TAF9B: variants seen among roughly 807,000 people sequenced by gnomAD.
The protein encoded by TAF9B is transcription initiation factor TFIID subunit 9B.
In TAF9B, 47 loss-of-function variants were observed where a neutral mutation model predicts 17.6. The observed-to-expected ratio is 2.68, with a 90% CI of 2.12 to 3.41. The LOEUF is 3.41. Among genes scored for constraint, TAF9B ranks in the 30% most tolerant of loss-of-function variants. The pLI is 0.00. For synonymous variants in TAF9B, 84 were observed against 68.7 expected (o/e 1.22, Z -1.10); for missense variants, 218 against 189.3 (o/e 1.15, Z -0.89).
intron 5 of TAF9B, among the ~76,000 whole-genome samples, chrX:78,135,663 A>C (rs1166372182): frequency 8.9e-6 from 1 of 111,833 alleles, no homozygotes; most frequent in Non-Finnish European, 1.9e-5. Context: ...GTTTTTTGGT[A>C]GTGCCCTGAC....
Position 78,131,617 on chromosome X carries a change from A to G in TAF9B, c.749T>C (p.Ile250Thr). The change falls in exon 7 of 7, where the codon ATT becomes ACT. Residue 250 changes from isoleucine (I) to threonine (T), a missense_variant. Physicochemically the swap from Ile to Thr is moderately conservative, Grantham distance 89. Transcript: ENST00000341864. Reference sequence around the variant, plus strand: ...TAGACTAGACTATATTCCTTACATAATATCATTGTCATCATCATCTTCATG... The same window carrying G: ...TAGACTAGACTATATTCCTTACATAGTATCATTGTCATCATCATCTTCATG... Reference protein sequence around the residue: ...RKHEDDDDNDIM With the variant: ...RKHEDDDDNDTM The G allele has an allele frequency of 4.1e-6, 5 of 1,209,624 alleles. No homozygotes were observed. The highest frequency in any genetic ancestry group is 2.2e-6 in the Non-Finnish European group (2 of 893,953).
Position 78,133,389 on chromosome X carries a change from G to A in TAF9B, c.541C>T (p.Gln181Ter). Residue 181 changes from glutamine (Q) to a stop codon, truncating the protein, a stop_gained, in exon 6 of 7, where the codon CAA becomes TAA. Coordinates refer to ENST00000341864, the MANE Select transcript of TAF9B (RefSeq NM_015975.5). LOFTEE classifies it high-confidence loss of function. Reference protein sequence around the residue: ...KVATPMSVTSQRFTVQIPPSQ... With the variant: ...KVATPMSVTS ...GGTGGAATCTGCACCGTAAATCTTT[G>A]GCTTGTCACTGACATTGGAGTTGCA... The A allele has an allele frequency of 1.7e-6, 2 of 1,211,507 alleles. No individual in the cohort carries two copies. Among genetic ancestry groups the A allele is most frequent in the Non-Finnish European group, 2.2e-6 (2 of 895,219 alleles).
Position 78,130,537 on chromosome X carries a change from C to T in TAF9B, c.*1073G>A, listed in dbSNP as rs2078405068. ...TTGATCCTGTCTTATATGTGACATC[C>T]TCAGCAACAAGCTAAAATGATCTGA... On this transcript the variant is annotated 3_prime_UTR_variant, in exon 7 of 7. Coordinates refer to ENST00000341864, the MANE Select transcript of TAF9B (RefSeq NM_015975.5). 8.9e-6 allele frequency: 1 copy of T among 112,374 alleles called. No homozygotes were observed. Among genetic ancestry groups the T allele is most frequent in the African/African-American group, 3.2e-5 (1 of 30,859 alleles). 9.3% of individuals were successfully genotyped at this position (112,374 alleles called of 1,213,427 possible). A position where few individuals can be genotyped will look rare whatever the true frequency, so the allele number is the denominator to read the frequency against.
chrX:78,137,810 A>T lies in TAF9B; in HGVS notation c.344T>A (p.Leu115Gln). 8.3e-7 allele frequency: 1 copy of T among 1,209,915 alleles called. No individual in the cohort carries two copies. Among genetic ancestry groups the T allele is most frequent in the Non-Finnish European group, 1.1e-6 (1 of 894,675 alleles). ...TGTTAAGCAGTATCTATCAGGTGGCAGTCTAGGTCCTGCATATGGCTTAAT... is the reference window on the plus strand; with the variant it reads ...TGTTAAGCAGTATCTATCAGGTGGCTGTCTAGGTCCTGCATATGGCTTAAT... The part of the protein sequence containing the change: ...PLIKPYAGPR[L>Q]PPDRYCLTAP... The change falls in exon 4 of 7, where the codon CTG becomes CAG. Residue 115 changes from leucine (L) to glutamine (Q), a missense_variant. Physicochemically the swap from Leu to Gln is moderately radical, Grantham distance 113. Coordinates refer to ENST00000341864, the MANE Select transcript of TAF9B (RefSeq NM_015975.5).
At position 78,131,535 on chromosome X, in the gene TAF9B, A is replaced by G; in HGVS notation, c.*75T>C. ...AGTCTTTTAAGGTAAAACAAGATCTAGAATATTCTAGTTCAGTATACTGGG... is the reference window on the plus strand; with the variant it reads ...AGTCTTTTAAGGTAAAACAAGATCTGGAATATTCTAGTTCAGTATACTGGG... On this transcript the variant is annotated 3_prime_UTR_variant, in exon 7 of 7. Coordinates refer to ENST00000341864, the MANE Select transcript of TAF9B (RefSeq NM_015975.5). 2 of 912,468 alleles carry G rather than the reference A, an allele frequency of 2.2e-6. No individual in the cohort carries two copies. The highest frequency in any genetic ancestry group is 6.4e-5 in the East Asian group (2 of 31,190). The allele number at this position is 912,468 out of a possible 1,213,427, so 75.2% of individuals were successfully genotyped here.
At chrX:78,134,691 T>A (rs2078427417) in intron 5 of TAF9B, among the ~76,000 whole-genome samples, 1 of 111,831 alleles carries the variant, frequency 8.9e-6, no homozygotes, top group African/African-American at 3.3e-5. Flanking sequence ...CTAAAATATC[T>A]CCATCCCTAG....
In TAF9B at chrX:78,131,689, A is replaced by G; in HGVS notation, c.677T>C (p.Val226Ala). The G allele has an allele frequency of 8.3e-7, 1 of 1,210,392 alleles. No individual in the cohort carries two copies. The highest frequency in any genetic ancestry group is 1.1e-6 in the Non-Finnish European group (1 of 894,473). ...PKNILITTNMVSSQNTANEAN... is the reference protein window; with the variant it reads ...PKNILITTNMASSQNTANEAN... The stretch of plus-strand genomic sequence containing the variant: ...TTCATTGGCTGTGTTCTGTGACGAA[A>G]CCATGTTGGTGGTAATAAGAATATT... Residue 226 changes from valine to alanine, a missense_variant, in exon 7 of 7, where the codon GTT becomes GCT. Transcript: ENST00000341864.
chrX:78,135,234 T>G (rs2078429615), intron 5 of TAF9B, among the ~76,000 whole-genome samples: 1 of 102,802 alleles, frequency 9.7e-6, no homozygotes, highest in South Asian at 4.8e-4. Context: ...ATTACAGGTG[T>G]GAGCCACCGC....
intron 6 of TAF9B, among the ~76,000 whole-genome samples, chrX:78,131,994 GTATT>G (rs782233603): frequency 3.0e-4 from 34 of 112,215 alleles, no homozygotes; most frequent in Non-Finnish European, 5.6e-4. Context: ...TAATAATTGT[GTATT>G]TATTTTTAAA....
At chrX:78,139,464 G>A in intron 1 of TAF9B, 97 bp downstream of exon 1, 1 of 1,133,525 alleles carries the variant, frequency 8.8e-7, no homozygotes, top group Non-Finnish European at 1.2e-6. Context: ...ACTGAAACGA[G>A]CGTGCGAGCC....
In TAF9B at chrX:78,138,042, G is replaced by A; in HGVS notation, c.190C>T (p.Pro64Ser). 2 of 1,208,848 alleles carry A rather than the reference G, an allele frequency of 1.7e-6. No individual in the cohort carries two copies. Among genetic ancestry groups the A allele is most frequent in the Non-Finnish European group, 2.2e-6 (2 of 894,407 alleles). ...CTCACATCATCTGCATCAACATTAG[G>A]TTTCTTAGCATGGCTCGAATAAATT... is the stretch of plus-strand genomic sequence containing the variant. ...AKIYSSHAKK[P>S]NVDADDVRLA... The change falls in exon 3 of 7, where the codon CCT (proline) becomes TCT (serine). Residue 64 changes from proline (P) to serine (S), a missense_variant. Transcript: ENST00000341864.
intron 2 of TAF9B, among the ~76,000 whole-genome samples, chrX:78,138,622 G>A (rs1458245020): frequency 8.9e-6 from 1 of 112,338 alleles, no homozygotes; most frequent in Non-Finnish European, 1.9e-5. Context: ...GCCGGGCGTG[G>A]TGGCAAGTGC....
intron 4 of TAF9B, 102 bp from the exon 5 acceptor site, chrX:78,137,092 C>A: frequency 1.7e-6 from 1 of 583,947 alleles, no homozygotes; most frequent in Non-Finnish European, 2.7e-6. Context: ...TAATCCATGG[C>A]AAGAAAGTCC....
At chrX:78,134,194 A>C (rs1426326500) in intron 5 of TAF9B, among the ~76,000 whole-genome samples, 1 of 111,362 alleles carries the variant, frequency 9.0e-6, no homozygotes, top group Non-Finnish European at 1.9e-5. Context: ...CCGTTTTATA[A>C]AACTTTCCTT....
rs2078448467 is a variant in TAF9B at position 78,139,608 on chromosome X, C to A, written c.4G>T (p.Glu2Ter). 14 of 1,210,438 alleles carry A rather than the reference C, an allele frequency of 1.2e-5. No individual in the cohort carries two copies. The highest frequency in any genetic ancestry group is 1.6e-5 in the Non-Finnish European group (14 of 895,082). ...TTGGGAGGCGCCATCTTGCCCGACT[C>A]CATGTTATCCAGCCACTCGTCATCC... M[E>*]SGKMAPPKNA... Residue 2 changes from glutamate to a stop codon, truncating the protein, a stop_gained, in exon 1 of 7, where the codon GAG becomes TAG. Transcript: ENST00000341864. LOFTEE classifies it high-confidence loss of function.
rs1444764981 is a variant in TAF9B at position 78,129,900 on chromosome X, T to A, written c.*1710A>T. ...AGGGTAGGTGTTACTTTCCTACTGC[T>A]AGTGAGGAGAACAAGGCTAAGAGGT... is the stretch of plus-strand genomic sequence containing the variant. On this transcript the variant is annotated 3_prime_UTR_variant, in exon 7 of 7. Coordinates refer to ENST00000341864, the MANE Select transcript of TAF9B (RefSeq NM_015975.5). 8.9e-6 allele frequency: 1 copy of A among 112,191 alleles called. No homozygotes were observed. Among genetic ancestry groups the A allele is most frequent in the Non-Finnish European group, 1.9e-5 (1 of 53,214 alleles). The allele number at this position is 112,191 out of a possible 1,213,427, so 9.2% of individuals were successfully genotyped here.
At position 78,139,282 on chromosome X, in the gene TAF9B, TAG is replaced by T. The variant is rs200276925; in HGVS notation, c.51+277_51+278del. 6.6e-3 allele frequency among the ~76,000 whole-genome samples: 735 copies of T among 110,875 alleles called. 8 individuals are homozygous for T. The highest frequency in any genetic ancestry group is 0.023 in the African/African-American group (712 of 30,442). On this transcript the variant is annotated intron_variant, in intron 1 of 6. Coordinates refer to ENST00000341864, the MANE Select transcript of TAF9B (RefSeq NM_015975.5). ...CGCGGAGTCAGGGCTGGCAGATAGC[TAG>T]AGACGAGGGGGAGGCAGGGGCCCGA...
chrX:78,130,637 T>G lies in TAF9B; in HGVS notation c.*973A>C, dbSNP rs2078405825. 1 of 112,710 alleles carries G rather than the reference T, an allele frequency of 8.9e-6. No homozygotes were observed. The highest frequency in any genetic ancestry group is 3.2e-5 in the African/African-American group (1 of 30,937). The allele number at this position is 112,710 out of a possible 1,213,427, so 9.3% of individuals were successfully genotyped here. A position where few individuals can be genotyped will look rare whatever the true frequency, so the allele number is the denominator to read the frequency against. Reference sequence around the variant, plus strand: ...ATGTGGTAAAAAGGAACACTTGTTCTTCAGTGGTTTTGCCTAGGTCCAGTG... The same window carrying G: ...ATGTGGTAAAAAGGAACACTTGTTCGTCAGTGGTTTTGCCTAGGTCCAGTG... On this transcript the variant is annotated 3_prime_UTR_variant, in exon 7 of 7. Coordinates refer to ENST00000341864, the MANE Select transcript of TAF9B (RefSeq NM_015975.5).
In TAF9B at chrX:78,131,315, A is replaced by C. The variant is rs1278440486; in HGVS notation, c.*295T>G. ...ACTAGGCTGTAGAATCTGAAACTTAAATGCTACTATCAGTGATAGAAGGCA... is the reference window on the plus strand; with the variant it reads ...ACTAGGCTGTAGAATCTGAAACTTACATGCTACTATCAGTGATAGAAGGCA... On this transcript the variant is annotated 3_prime_UTR_variant, in exon 7 of 7. Transcript: ENST00000341864. 2.3e-5 allele frequency: 4 copies of C among 174,684 alleles called. No individual in the cohort carries two copies. The highest frequency in any genetic ancestry group is 4.2e-5 in the Non-Finnish European group (4 of 94,398). The allele number at this position is 174,684 out of a possible 1,213,427, so 14.4% of individuals were successfully genotyped here.
Sources: allele counts gnomAD v4.1 joint callset (sites outside exome capture counted in the v4.1 genomes callset), GRCh38; gene constraint gnomAD v4.1.1; transcripts MANE v1.5; gene names NCBI Gene and HGNC (gene_info 2026-07-23, HGNC 2026-07-21).